Variants in GLIS3 observed in about 807,000 individuals in gnomAD.
The protein encoded by GLIS3 is GLIS family zinc finger 3.
GLIS3 carries 53 observed loss-of-function variants against 78.6 expected under a neutral mutation model. The ratio of observed to expected loss-of-function variants is 0.67; its 90% CI spans 0.54 to 0.85. GLIS3 has a LOEUF of 0.85. GLIS3 is among the 40% of genes least tolerant of loss of function. The pLI is 0.00. For synonymous variants in GLIS3, 684 were observed against 509.9 expected (o/e 1.34, Z -4.60); for missense variants, 1,703 against 1,231.1 (o/e 1.38, Z -5.74).
the GLIS3 span, among the ~76,000 whole-genome samples, chr9:4,480,134 G>A: frequency 1.3e-5 from 2 of 151,042 alleles, no homozygotes; most frequent in East Asian, 3.9e-4. Context: ...AGATGTTATA[G>A]GTGGAGACGT....
At chr9:4,303,136 A>ACG (rs1426025650), upstream of GLIS3, among the ~76,000 whole-genome samples, 2 of 114,282 alleles carry the variant, frequency 1.8e-5, no homozygotes, top group Non-Finnish European at 4.1e-5. Flanking sequence ...AACCACTTAC[A>ACG]AACTTGCAAA....
intron 4 of GLIS3, among the ~76,000 whole-genome samples, chr9:3,960,622 GT>G (rs1277502564): frequency 4.6e-5 from 7 of 152,160 alleles, no homozygotes; most frequent in Admixed American, 2.0e-4. Flanking sequence ...AAAAGATTGT[GT>G]TTTGGTGGAC....
rs140045113 is a variant in GLIS3, at chr9:3,928,676, C to T, written c.1983+3684G>A. ...GAAAGCAATACAGAGCTGTTCTCTA[C>T]GTAGGACATATAAATGTGTGTTGCA... On this transcript the variant is annotated intron_variant, in intron 6 of 10. Transcript: ENST00000381971. Among the ~76,000 whole-genome samples the T allele has an allele frequency of 2.3e-4, 35 of 152,274 alleles. 1 individual carries two copies. The East Asian group carries it at 5.4e-3, about 24-fold the overall frequency.
intron 4 of GLIS3, among the ~76,000 whole-genome samples, chr9:4,115,888 G>T (rs894208178): frequency 2.0e-5 from 3 of 152,102 alleles, no homozygotes; most frequent in Non-Finnish European, 2.9e-5. Flanking sequence ...CCTAGAAGTG[G>T]GGAGTGGGCA....
the GLIS3 span, among the ~76,000 whole-genome samples, chr9:4,373,710 C>T: frequency 1.3e-5 from 2 of 151,020 alleles, no homozygotes; most frequent in Non-Finnish European, 2.9e-5. Flanking sequence ...CTCTTGTCGC[C>T]CAGGCTGTAG....
At chr9:4,482,892 T>A in the GLIS3 span, among the ~76,000 whole-genome samples, 1 of 151,726 alleles carries the variant, frequency 6.6e-6, no homozygotes, top group African/African-American at 2.4e-5. Context: ...TAGCCAAAGG[T>A]TTATTTGGAT....
intron 2 of GLIS3, among the ~76,000 whole-genome samples, chr9:4,162,434 A>T (rs944056113): frequency 1.3e-5 from 2 of 152,206 alleles, no homozygotes; most frequent in Non-Finnish European, 1.5e-5. Context: ...AAGGAATCTG[A>T]AGAACATTTG....
intron 7 of GLIS3, among the ~76,000 whole-genome samples, chr9:3,892,697 GGAAA>G (rs1381674791): frequency 1.3e-5 from 2 of 151,872 alleles, no homozygotes; most frequent in African/African-American, 4.8e-5. Flanking sequence ...ACTCTTCACA[GGAAA>G]GAGACATAAC....
chr9:4,249,387 G>A (rs533920338), intron 2 of GLIS3, among the ~76,000 whole-genome samples: 16 of 152,156 alleles, frequency 1.1e-4, no homozygotes, highest in Non-Finnish European at 2.2e-4. Flanking sequence ...TGTAGCAATT[G>A]TGAATGGAAG....
intron 4 of GLIS3, among the ~76,000 whole-genome samples, chr9:4,032,805 T>A (rs1823957872): frequency 6.6e-6 from 1 of 152,028 alleles, no homozygotes; most frequent in Non-Finnish European, 1.5e-5. Flanking sequence ...ATTCTCCTTT[T>A]AAGTTCTTCA....
chr9:3,940,670 C>T (rs17700636), intron 4 of GLIS3, among the ~76,000 whole-genome samples: 21,639 of 151,926 alleles, frequency 0.14, 1,711 homozygotes, highest in Middle Eastern at 0.23. Context: ...TCTCGGAATC[C>T]AAGGAGGAAA....
intron 4 of GLIS3, among the ~76,000 whole-genome samples, chr9:3,965,508 C>G (rs529416822): frequency 1.3e-5 from 2 of 152,080 alleles, no homozygotes; most frequent in Non-Finnish European, 2.9e-5. Flanking sequence ...TTTCCTAATT[C>G]TATCACTCTA....
intron 8 of GLIS3, among the ~76,000 whole-genome samples, chr9:3,858,322 T>C (rs1819923154): frequency 1.3e-5 from 2 of 152,214 alleles, no homozygotes; most frequent in Non-Finnish European, 2.9e-5. Context: ...TATATAATTA[T>C]ATGCTGATTA....
At chr9:4,324,869 T>G (rs970201186) in intron 2 of GLIS3, among the ~76,000 whole-genome samples, 10 of 152,242 alleles carry the variant, frequency 6.6e-5, no homozygotes, top group African/African-American at 2.4e-4. Flanking sequence ...CTTACCTTGC[T>G]TTAAAACCTA....
chr9:4,117,633 G>A, intron 4 of GLIS3, 135 bp downstream of exon 4: 1 of 967,468 alleles, frequency 1.0e-6, no homozygotes, highest in South Asian at 1.3e-5. Context: ...TCCTCAAGCT[G>A]AAGGGGAACC....
chr9:4,241,735 TG>T (rs1306387324), intron 2 of GLIS3, among the ~76,000 whole-genome samples: 1 of 152,198 alleles, frequency 6.6e-6, no homozygotes, highest in Non-Finnish European at 1.5e-5. Flanking sequence ...CAGGCTGGAA[TG>T]CAGCAGCGTG....
intron 2 of GLIS3, among the ~76,000 whole-genome samples, chr9:4,136,476 T>C (rs752210199): frequency 2.6e-5 from 4 of 152,202 alleles, no homozygotes; most frequent in Admixed American, 1.3e-4. Context: ...ATCTCTTTAC[T>C]GTAAGTCTTC....
At chr9:4,115,929 C>T (rs1389505700) in intron 4 of GLIS3, among the ~76,000 whole-genome samples, 2 of 152,018 alleles carry the variant, frequency 1.3e-5, no homozygotes, top group Admixed American at 6.6e-5. Flanking sequence ...TCTCCCATAC[C>T]CATTCTGAAC....
At chr9:4,436,473 A>G in the GLIS3 span, among the ~76,000 whole-genome samples, 1 of 152,068 alleles carries the variant, frequency 6.6e-6, no homozygotes, top group Non-Finnish European at 1.5e-5. Context: ...ATGACCCCCA[A>G]GCTACCTTCA....
Sources: allele counts gnomAD v4.1 joint callset (sites outside exome capture counted in the v4.1 genomes callset), GRCh38; gene constraint gnomAD v4.1.1; transcripts MANE v1.5; gene names NCBI Gene and HGNC (gene_info 2026-07-23, HGNC 2026-07-21).